NLGN4X: variants seen among roughly 807,000 people sequenced by gnomAD.
NLGN4X encodes the protein neuroligin 4 X-linked, also known as neuroligin-4, X-linked.
In NLGN4X, 3 loss-of-function variants were observed where a neutral mutation model predicts 40.3. That is an observed-to-expected ratio of 0.07 (90% CI 0.03 to 0.19). The LOEUF (loss-of-function observed/expected upper bound fraction) is 0.19. Ranked by LOEUF, NLGN4X falls within the 10% of genes least tolerant of loss-of-function variation. The probability of loss-of-function intolerance (pLI) is 1.00; values close to 1 mark genes in which losing one functional copy is unlikely to be tolerated. For missense variants in NLGN4X, 382 were observed against 708.3 expected, an observed-to-expected ratio of 0.54 and a Z score of 5.23; for synonymous variants, 270 against 306.8, an observed-to-expected ratio of 0.88 and a Z score of 1.25.
intron 2 of NLGN4X, among the ~76,000 whole-genome samples, chrX:6,125,618 A>C (rs1470608688): frequency 1.8e-5 from 2 of 111,594 alleles, no homozygotes; most frequent in African/African-American, 6.5e-5. Flanking sequence ...AAAAACAAAC[A>C]AAGCAACTTT....
chrX:5,968,585 AGGAATCAT>A (rs2034916001), intron 3 of NLGN4X, among the ~76,000 whole-genome samples: 1 of 102,380 alleles, frequency 9.8e-6, no homozygotes, highest in Non-Finnish European at 2.0e-5. Context: ...AATGTGTGTG[AGGAATCAT>A]GGTGGTCCCT....
chrX:6,085,589 C>G (rs1373782456), intron 2 of NLGN4X, among the ~76,000 whole-genome samples: 3 of 112,125 alleles, frequency 2.7e-5, no homozygotes, highest in Non-Finnish European at 5.6e-5. Flanking sequence ...ACTTACATAC[C>G]AAAAATGCCT....
chrX:6,047,276 G>A (rs2037350305), intron 2 of NLGN4X, among the ~76,000 whole-genome samples: 1 of 110,846 alleles, frequency 9.0e-6, no homozygotes, highest in African/African-American at 3.3e-5. Flanking sequence ...CCCGGAGTTC[G>A]AGACCAGCCT....
chrX:6,073,984 G>A (rs2038131107), intron 2 of NLGN4X, among the ~76,000 whole-genome samples: 1 of 110,208 alleles, frequency 9.1e-6, no homozygotes, highest in South Asian at 3.9e-4. Context: ...CAATTGTTGA[G>A]CCAGTATTCT....
At position 6,196,142 on chromosome X, in the gene NLGN4X, G is replaced by A. The variant is rs1189748949; in HGVS notation, c.-306+32399C>T. ...TGAGGTTTTGTTTGTTTCTTGGTTC[G>A]CTTAGCTTTGTTTACAGGTTTGTTT... On this transcript the variant is annotated intron_variant, in intron 1 of 5. Coordinates refer to ENST00000381095, the MANE Select transcript of NLGN4X (RefSeq NM_181332.3). Among the ~76,000 whole-genome samples, 9 of 111,521 alleles carry A rather than the reference G, an allele frequency of 8.1e-5. No individual in the cohort carries two copies. The East Asian group carries it at 1.4e-3, about 17-fold the overall frequency.
At position 6,008,623 on chromosome X, in the gene NLGN4X, T is replaced by G. The variant is rs2036165835; in HGVS notation, c.625+20657A>C. Among the ~76,000 whole-genome samples, 4 of 112,192 alleles carry G rather than the reference T, an allele frequency of 3.6e-5. No homozygotes were observed. The South Asian group carries it at 1.5e-3, about 41-fold the overall frequency. On this transcript the variant is annotated intron_variant, in intron 3 of 5. Transcript: ENST00000381095. Reference sequence around the variant, plus strand: ...ATGAGATACTGAACATGCTCTAACATGGTGATGATTACAAATAGTCAATTA... The same window carrying G: ...ATGAGATACTGAACATGCTCTAACAGGGTGATGATTACAAATAGTCAATTA...
At chrX:6,221,391 T>TTATATATATATATATATA (rs60897428) in intron 1 of NLGN4X, among the ~76,000 whole-genome samples, 39 of 53,329 alleles carry the variant, frequency 7.3e-4, no homozygotes, top group Non-Finnish European at 9.2e-4. Flanking sequence ...CCTTCTTATA[T>TTATATATATATATATATA]TATATATATA....
At chrX:6,220,140 T>C (rs1298929714) in intron 1 of NLGN4X, among the ~76,000 whole-genome samples, 1 of 111,577 alleles carries the variant, frequency 9.0e-6, no homozygotes, top group Non-Finnish European at 1.9e-5. Context: ...CCTTGGATTC[T>C]AATATATTTT....
chrX:6,136,239 T>C (rs1234417582), intron 2 of NLGN4X, among the ~76,000 whole-genome samples: 1 of 112,578 alleles, frequency 8.9e-6, no homozygotes, highest in Non-Finnish European at 1.9e-5. Context: ...CTGAAATCCA[T>C]GTTTTGCATA....
intron 3 of NLGN4X, among the ~76,000 whole-genome samples, chrX:5,945,787 G>C (rs777592847): frequency 1.8e-5 from 2 of 110,906 alleles, no homozygotes; most frequent in East Asian, 2.8e-4. Context: ...TGAAGGGTGG[G>C]GGTAGGGAGA....
intron 3 of NLGN4X, among the ~76,000 whole-genome samples, chrX:5,980,417 T>A (rs1470699634): frequency 9.1e-6 from 1 of 109,441 alleles, no homozygotes; most frequent in East Asian, 2.8e-4. Context: ...CCTTTAAAAA[T>A]CAAGCTTCTT....
chrX:6,162,833 T>C (rs1359337120), intron 1 of NLGN4X, among the ~76,000 whole-genome samples: 1 of 111,693 alleles, frequency 9.0e-6, no homozygotes, highest in Non-Finnish European at 1.9e-5. Flanking sequence ...TATATGAATA[T>C]ACACACCTAT....
intron 2 of NLGN4X, among the ~76,000 whole-genome samples, chrX:6,147,237 T>G (rs1474336439): frequency 8.9e-6 from 1 of 111,992 alleles, no homozygotes; most frequent in African/African-American, 3.2e-5. Flanking sequence ...AAAGCACAGG[T>G]GTAGGTCACT....
chrX:6,149,834 C>T (rs1432689395), intron 2 of NLGN4X, among the ~76,000 whole-genome samples: 1 of 111,014 alleles, frequency 9.0e-6, no homozygotes, highest in African/African-American at 3.3e-5. Context: ...AACTATCTGG[C>T]ATTTATATGG....
intron 5 of NLGN4X, among the ~76,000 whole-genome samples, chrX:5,898,082 C>G (rs1435722463): frequency 2.2e-5 from 2 of 91,527 alleles, no homozygotes; most frequent in Admixed American, 1.2e-4. Flanking sequence ...TCCTTCCTTC[C>G]TCTCTTCTTT....
intron 2 of NLGN4X, among the ~76,000 whole-genome samples, chrX:6,141,365 C>G (rs949106342): frequency 9.0e-6 from 1 of 111,564 alleles, no homozygotes; most frequent in Admixed American, 9.6e-5. Flanking sequence ...ATTCAATTAA[C>G]CTGACATCAA....
In NLGN4X at chrX:5,898,961, C is replaced by T. The variant is rs554511783; in HGVS notation, c.1601+4116G>A. ...CACCCAATTTACAATAAACAAATAA[C>T]TACCAACTGCAACTGAAGTCCTTGT... On this transcript the variant is annotated intron_variant, in intron 5 of 5. Coordinates refer to ENST00000381095, the MANE Select transcript of NLGN4X (RefSeq NM_181332.3). Among the ~76,000 whole-genome samples, 60 of 112,082 alleles carry T rather than the reference C, an allele frequency of 5.4e-4. 1 individual carries two copies. The highest frequency in any genetic ancestry group is 1.8e-3 in the African/African-American group (54 of 30,826).
At chrX:5,935,234 A>G (rs2033695532) in intron 3 of NLGN4X, among the ~76,000 whole-genome samples, 1 of 112,597 alleles carries the variant, frequency 8.9e-6, no homozygotes, top group Non-Finnish European at 1.9e-5. Flanking sequence ...TTAAATGCAA[A>G]GCAAGGATAA....
At chrX:6,048,892 C>A (rs57820565) in intron 2 of NLGN4X, among the ~76,000 whole-genome samples, 4,216 of 107,257 alleles carry the variant, frequency 0.039, 102 homozygotes, top group East Asian at 0.11. Context: ...CTAATGGATG[C>A]GGGGCTTAAT....
Sources: allele counts gnomAD v4.1 joint callset (sites outside exome capture counted in the v4.1 genomes callset), GRCh38; gene constraint gnomAD v4.1.1; transcripts MANE v1.5; gene names NCBI Gene and HGNC (gene_info 2026-07-23, HGNC 2026-07-21).